Variants in FBN1 observed in about 807,000 individuals in gnomAD.
The protein encoded by FBN1 is fibrillin-1.
FBN1 carries 29 observed loss-of-function variants against 365.1 expected under a neutral mutation model. The ratio of observed to expected loss-of-function variants is 0.08; its 90% CI spans 0.06 to 0.11. The LOEUF is 0.11. Among genes scored for constraint, FBN1 ranks in the 10% least tolerant of loss-of-function variants. The probability of loss-of-function intolerance (pLI) is 1.00; values close to 1 mark genes in which losing one functional copy is unlikely to be tolerated. For missense variants in FBN1, 2,476 were observed against 3,703.2 expected (o/e 0.67, Z 8.60); for synonymous variants, 1,210 against 1,270.5 (o/e 0.95, Z 1.01).
At chr15:48,416,466 C>T (rs2042904209) in intron 63 of FBN1, among the ~76,000 whole-genome samples, 1 of 152,168 alleles carries the variant, frequency 6.6e-6, no homozygotes, top group Non-Finnish European at 1.5e-5. Flanking sequence ...TTCAAACCAG[C>T]CTCCTGCCCA....
chr15:48,438,654 G>A (rs1597527381), intron 50 of FBN1, among the ~76,000 whole-genome samples: 1 of 152,218 alleles, frequency 6.6e-6, no homozygotes, highest in Non-Finnish European at 1.5e-5. Flanking sequence ...GCAGGGCTGT[G>A]GGTGGGTGGG....
intron 58 of FBN1, among the ~76,000 whole-genome samples, chr15:48,426,940 C>A (rs1389211664): frequency 2.0e-5 from 3 of 152,106 alleles, no homozygotes; most frequent in Non-Finnish European, 4.4e-5. Flanking sequence ...ACTTCTAATT[C>A]CCTCCCAAGA....
At chr15:48,638,399 A>G (rs1171130879) in intron 2 of FBN1, among the ~76,000 whole-genome samples, 2 of 152,232 alleles carry the variant, frequency 1.3e-5, no homozygotes, top group Non-Finnish European at 2.9e-5. Flanking sequence ...TTATAACTGT[A>G]AAGCAGTAAA....
At position 48,597,062 on chromosome 15, in the gene FBN1, C is replaced by T. The variant is rs371680486; in HGVS notation, c.443-684G>A. ...GCTCTTTCTAGGCATCTTCGTCATG[C>T]GTGGCAGGCTCTTCTCTGCCAAATA... On this transcript the variant is annotated intron_variant, in intron 5 of 65. Transcript: ENST00000316623. 7.2e-5 allele frequency among the ~76,000 whole-genome samples: 11 copies of T among 152,284 alleles called. No homozygotes were observed. The East Asian group carries it at 1.9e-3, about 27-fold the overall frequency.
At chr15:48,556,072 T>C (rs1229024630) in intron 6 of FBN1, among the ~76,000 whole-genome samples, 1 of 152,150 alleles carries the variant, frequency 6.6e-6, no homozygotes, top group Non-Finnish European at 1.5e-5. Context: ...CTCTACACCA[T>C]CCCAGGGGAA....
intron 32 of FBN1, among the ~76,000 whole-genome samples, chr15:48,477,516 ATGTGGGTGTG>A (rs2043429894): frequency 6.6e-6 from 1 of 152,200 alleles, no homozygotes; most frequent in Non-Finnish European, 1.5e-5. Context: ...AGGTTTTTGC[ATGTGGGTGTG>A]TGTGCATGCA....
chr15:48,573,393 T>C (rs2044321050), intron 6 of FBN1, among the ~76,000 whole-genome samples: 2 of 152,180 alleles, frequency 1.3e-5, no homozygotes, highest in South Asian at 2.1e-4. Flanking sequence ...ACCATCACTA[T>C]GATCTCATAT....
At chr15:48,513,432 A>G in intron 13 of FBN1, 117 bp downstream of exon 13, 1 of 1,442,864 alleles carries the variant, frequency 6.9e-7, no homozygotes. Context: ...CAAAAAAGCC[A>G]CGGGACTGTA....
At chr15:48,471,881 A>T (rs2043379363) in intron 35 of FBN1, among the ~76,000 whole-genome samples, 1 of 152,252 alleles carries the variant, frequency 6.6e-6, no homozygotes, top group African/African-American at 2.4e-5. Flanking sequence ...AATGGGATCC[A>T]GCCTTAGCTA....
At chr15:48,434,546 C>T (rs2043049366) in intron 54 of FBN1, 48 bp downstream of exon 54, 1 of 1,611,006 alleles carries the variant, frequency 6.2e-7, no homozygotes, top group Non-Finnish European at 8.5e-7. Context: ...ACCAATTGTT[C>T]CCAGGATCAG....
chr15:48,427,714 T>C lies in FBN1; in HGVS notation c.7057A>G (p.Ser2353Gly), dbSNP rs886042199. Residue 2353 changes from serine (S) to glycine (G), a missense_variant, in exon 58 of 66, where the codon AGC becomes GGC. Transcript: ENST00000316623. Reference protein sequence around the residue: ...VLQNMCQIGSSNRNPVTKSEC... With the variant: ...VLQNMCQIGSGNRNPVTKSEC... ...GATTTGGTGACGGGGTTCCTGTTGC[T>C]GGAGCCGATCTGACACATGTTTTGT... The C allele has an allele frequency of 1.2e-6, 2 of 1,614,016 alleles. No homozygotes were observed. The highest frequency in any genetic ancestry group is 1.7e-6 in the Non-Finnish European group (2 of 1,180,006).
intron 6 of FBN1, among the ~76,000 whole-genome samples, chr15:48,576,214 G>A (rs778476236): frequency 2.8e-4 from 42 of 152,192 alleles, no homozygotes; most frequent in African/African-American, 8.4e-4. Context: ...ACTACCTGCC[G>A]TTTCCCTGAC....
At chr15:48,612,132 T>C (rs2044661283) in intron 3 of FBN1, among the ~76,000 whole-genome samples, 1 of 152,236 alleles carries the variant, frequency 6.6e-6, no homozygotes, top group Non-Finnish European at 1.5e-5. Flanking sequence ...TCTTAGACCA[T>C]AATGTGCCAA....
At chr15:48,638,665 T>A (rs56108882) in intron 2 of FBN1, among the ~76,000 whole-genome samples, 1 of 151,680 alleles carries the variant, frequency 6.6e-6, no homozygotes, top group African/African-American at 2.4e-5. Context: ...ATGTAAAAAA[T>A]TGGGCTGAGT....
intron 2 of FBN1, among the ~76,000 whole-genome samples, chr15:48,623,247 C>T (rs993869510): frequency 2.0e-5 from 3 of 152,072 alleles, no homozygotes; most frequent in African/African-American, 7.2e-5. Flanking sequence ...AATATGCCAC[C>T]GACATTAAAA....
Position 48,487,165 on chromosome 15 carries a change from G to A in FBN1, c.3499C>T (p.Pro1167Ser). 6.8e-6 allele frequency: 11 copies of A among 1,614,102 alleles called. No individual in the cohort carries two copies. The highest frequency in any genetic ancestry group is 9.3e-6 in the Non-Finnish European group (11 of 1,180,028). ...NECELSAHLCPNGRCVNLIGK... is the reference protein window; with the variant it reads ...NECELSAHLCSNGRCVNLIGK... Reference sequence around the variant, plus strand: ...ATGAGGTTCACGCAACGGCCATTGGGGCACAGGTGTGCACTCAGCTCACAT... The same window carrying A: ...ATGAGGTTCACGCAACGGCCATTGGAGCACAGGTGTGCACTCAGCTCACAT... The change falls in exon 29 of 66, where the codon CCC becomes TCC. Residue 1167 changes from proline (P) to serine (S), a missense_variant. Pro to Ser is a moderately conservative substitution (Grantham distance 74). Transcript: ENST00000316623.
chr15:48,437,287 T>C, intron 52 of FBN1, 35 bp downstream of exon 52: 1 of 1,576,628 alleles, frequency 6.3e-7, no homozygotes, highest in Non-Finnish European at 8.7e-7. Context: ...TTGAGAATAC[T>C]GAGAAATGCT....
At chr15:48,515,665 C>T in intron 11 of FBN1, 138 bp from the exon 12 acceptor site, 1 of 1,137,666 alleles carries the variant, frequency 8.8e-7, no homozygotes, top group Non-Finnish European at 1.3e-6. Flanking sequence ...CTGGTGACAA[C>T]AGAGCATATT....
At chr15:48,468,318 T>C (rs944605821) in intron 37 of FBN1, 94 bp downstream of exon 37, 15 of 1,508,988 alleles carry the variant, frequency 9.9e-6, no homozygotes, top group African/African-American at 5.5e-5. Context: ...TTCTGTATCA[T>C]TCATTTTGCA....
Sources: gnomAD v4.1 joint callset for allele counts (sites outside exome capture counted in the v4.1 genomes callset) on GRCh38, gnomAD v4.1.1 for gene constraint, MANE v1.5 for transcripts, NCBI Gene and HGNC (gene_info 2026-07-23, HGNC 2026-07-21) for gene names.